Variants in AFAP1L2 observed in about 807,000 individuals in gnomAD.
The protein encoded by AFAP1L2 is actin filament-associated protein 1-like 2.
AFAP1L2 carries 46 observed loss-of-function variants against 99.3 expected under a neutral mutation model. That is an observed-to-expected ratio of 0.46 (90% CI 0.37 to 0.59). AFAP1L2 has a LOEUF of 0.59. Ranked by LOEUF, AFAP1L2 falls within the 20% of genes least tolerant of loss-of-function variation. The pLI, the probability that AFAP1L2 is intolerant of heterozygous loss-of-function variation, is 0.00. For synonymous variants in AFAP1L2, 397 were observed against 419.1 expected (o/e 0.95, Z 0.64); for missense variants, 959 against 1,034.9 (o/e 0.93, Z 1.01).
At chr10:114,357,693 G>A (rs1407901517) in intron 1 of AFAP1L2, among the ~76,000 whole-genome samples, 1 of 152,146 alleles carries the variant, frequency 6.6e-6, no homozygotes, top group African/African-American at 2.4e-5. Flanking sequence ...TGTATTCCTT[G>A]AAATAATAAA....
chr10:114,305,755 C>A (rs1198340149), intron 10 of AFAP1L2, among the ~76,000 whole-genome samples: 1 of 44,190 alleles, frequency 2.3e-5, no homozygotes, highest in Non-Finnish European at 4.2e-5. Flanking sequence ...AGGGGGTGCA[C>A]GTACAGGACT....
intron 1 of AFAP1L2, among the ~76,000 whole-genome samples, chr10:114,390,396 C>G (rs1311871358): frequency 6.6e-6 from 1 of 152,134 alleles, no homozygotes; most frequent in East Asian, 1.9e-4. Context: ...TTGGGAATTG[C>G]TAGATCGTAT....
chr10:114,388,546 T>G (rs1227860722), intron 1 of AFAP1L2, among the ~76,000 whole-genome samples: 1 of 152,164 alleles, frequency 6.6e-6, no homozygotes, highest in Non-Finnish European at 1.5e-5. Flanking sequence ...TGCTTGCATG[T>G]TTGTGGTCTG....
At chr10:114,307,722 G>A in intron 10 of AFAP1L2, 83 bp downstream of exon 10, 1 of 1,168,666 alleles carries the variant, frequency 8.6e-7, no homozygotes, top group African/African-American at 1.5e-5. Context: ...AAAACCCCCT[G>A]CCTTCGCTGT....
At chr10:114,315,412 A>C in intron 6 of AFAP1L2, 148 bp downstream of exon 6, 4 of 764,128 alleles carry the variant, frequency 5.2e-6, no homozygotes, top group Non-Finnish European at 8.5e-6. Flanking sequence ...TCCTGTATAC[A>C]ATTTCAGATT....
chr10:114,404,320 G>C lies in AFAP1L2; in HGVS notation c.16+120C>G, dbSNP rs986940836. The stretch of plus-strand genomic sequence containing the variant: ...CCCCTCTTAGGCCCAGGTCCGGGCT[G>C]GGTGGGGGCAGTGGGCTCTGCTTAT... On this transcript the variant is annotated intron_variant, in intron 1 of 18. Coordinates refer to ENST00000304129, the MANE Select transcript of AFAP1L2 (RefSeq NM_001001936.3). 6 of 1,168,560 alleles carry C rather than the reference G, an allele frequency of 5.1e-6. No individual in the cohort carries two copies. In the Admixed American group the frequency reaches 6.0e-5, roughly 12 times the overall value. The allele number at this position is 1,168,560 out of a possible 1,614,324, so 72.4% of individuals were successfully genotyped here. A position where few individuals can be genotyped will look rare whatever the true frequency, so the allele number is the denominator to read the frequency against.
chr10:114,386,810 C>T (rs1264109461), intron 1 of AFAP1L2, among the ~76,000 whole-genome samples: 5 of 152,268 alleles, frequency 3.3e-5, no homozygotes, highest in Non-Finnish European at 5.9e-5. Flanking sequence ...AACTCATGCT[C>T]AGGCCATGTG....
downstream of AFAP1L2, among the ~76,000 whole-genome samples, chr10:114,292,313 T>C (rs1382636831): frequency 6.6e-6 from 1 of 151,972 alleles, no homozygotes; most frequent in Non-Finnish European, 1.5e-5. Context: ...GGGTTAATTG[T>C]GGCGTGTTTA....
intron 1 of AFAP1L2, among the ~76,000 whole-genome samples, chr10:114,355,180 G>A (rs930703444): frequency 6.6e-6 from 1 of 152,068 alleles, no homozygotes; most frequent in African/African-American, 2.4e-5. Flanking sequence ...CCACAGTGGA[G>A]TATAGCAGGC....
intron 5 of AFAP1L2, among the ~76,000 whole-genome samples, chr10:114,319,871 A>G (rs2135033262): frequency 6.6e-6 from 1 of 152,314 alleles, no homozygotes; most frequent in Admixed American, 6.5e-5. Context: ...ACATCCAGAG[A>G]TGACCATGTG....
In AFAP1L2 at chr10:114,304,870, T is replaced by C. The variant is rs773432204; in HGVS notation, c.1133A>G (p.Asn378Ser). The C allele has an allele frequency of 1.7e-5, 27 of 1,613,262 alleles. No homozygotes were observed. In the South Asian group the frequency reaches 2.2e-4, roughly 13 times the overall value. Residue 378 changes from asparagine to serine, a missense_variant, in exon 11 of 19, where the codon AAT becomes AGT. By Grantham distance (46) the Asn-to-Ser change is conservative (BLOSUM62 1). Coordinates refer to ENST00000304129, the MANE Select transcript of AFAP1L2 (RefSeq NM_001001936.3). Reference protein sequence around the residue: ...WKSRWCSVRDNHLHFYQDRNR... With the variant: ...WKSRWCSVRDSHLHFYQDRNR... ...CCGGTCCTGGTAGAAGTGCAGGTGATTGTCCCTGACAGAGCACCAGCGAGA... is the reference window on the plus strand; with the variant it reads ...CCGGTCCTGGTAGAAGTGCAGGTGACTGTCCCTGACAGAGCACCAGCGAGA...
upstream of AFAP1L2, chr10:114,404,508 C>G: frequency 6.6e-7 from 1 of 1,520,294 alleles, no homozygotes; most frequent in Non-Finnish European, 8.8e-7. Context: ...GCTCTCCCGG[C>G]GCTCGGCTCA....
intron 1 of AFAP1L2, among the ~76,000 whole-genome samples, chr10:114,343,992 C>T (rs995961133): frequency 1.3e-5 from 2 of 152,108 alleles, no homozygotes; most frequent in African/African-American, 2.4e-5. Context: ...ATGAAAGGAG[C>T]GTGATGATGG....
At position 114,297,314 on chromosome 10, in the gene AFAP1L2, A is replaced by G. The variant is rs372644522; in HGVS notation, c.2213T>C (p.Met738Thr). ...SRRVDLELSIMEVKDNLKKAE... is the reference protein window; with the variant it reads ...SRRVDLELSITEVKDNLKKAE... Reference sequence around the variant, plus strand: ...CTTCTTCAGGTTGTCCTTCACCTCCATGATGCTGAGCTCCAGGTCCACGCG... The same window carrying G: ...CTTCTTCAGGTTGTCCTTCACCTCCGTGATGCTGAGCTCCAGGTCCACGCG... The change falls in exon 17 of 19, where the codon ATG becomes ACG. Residue 738 changes from methionine (M) to threonine (T), a missense_variant. By Grantham distance (81) the Met-to-Thr change is moderately conservative. Coordinates refer to ENST00000304129, the MANE Select transcript of AFAP1L2 (RefSeq NM_001001936.3). 1.9e-6 allele frequency: 3 copies of G among 1,613,842 alleles called. No individual in the cohort carries two copies. The African/African-American group carries it at 4.0e-5, about 22-fold the overall frequency.
At chr10:114,313,353 C>T (rs1016780803) in intron 7 of AFAP1L2, among the ~76,000 whole-genome samples, 5 of 152,144 alleles carry the variant, frequency 3.3e-5, no homozygotes, top group Admixed American at 1.3e-4. Flanking sequence ...GAGTGGGCCA[C>T]GTGCATTCGT....
intron 1 of AFAP1L2, among the ~76,000 whole-genome samples, chr10:114,347,767 T>TC (rs1388593831): frequency 6.6e-6 from 1 of 152,154 alleles, no homozygotes; most frequent in African/African-American, 2.4e-5. Flanking sequence ...TGCCTTGGCC[T>TC]CCCAAAGAGT....
At chr10:114,345,206 A>G (rs1590362265) in intron 1 of AFAP1L2, among the ~76,000 whole-genome samples, 2 of 141,042 alleles carry the variant, frequency 1.4e-5, no homozygotes, top group Admixed American at 6.9e-5. Context: ...GTATCGGGGG[A>G]ACATGGAGCA....
rs1282500288 is a variant in AFAP1L2, at chr10:114,313,895, C to T, written c.768G>A (p.Lys256=). The change falls in exon 7 of 19, where the codon AAG becomes AAA. Residue 256 remains lysine, a synonymous_variant. Transcript: ENST00000304129. The part of the protein sequence containing the change: ...ADVIVLGLQS[K]DQAEQWLRVI... ...CCCTGAGCCACTGCTCAGCCTGGTC[C>T]TTGCTCTGCAGGCCCAGCACAATCA... 2.5e-6 allele frequency: 4 copies of T among 1,612,726 alleles called. No individual in the cohort carries two copies. The African/African-American group carries it at 4.0e-5, about 16-fold the overall frequency.
chr10:114,368,767 A>AACACACACAC (rs34854872), intron 1 of AFAP1L2, among the ~76,000 whole-genome samples: 13 of 140,642 alleles, frequency 9.2e-5, no homozygotes, highest in Non-Finnish European at 1.5e-4. Flanking sequence ...GTGTCCTTAC[A>AACACACACAC]ACACACACAC....
Sources: allele counts gnomAD v4.1 joint callset (sites outside exome capture counted in the v4.1 genomes callset), GRCh38; gene constraint gnomAD v4.1.1; transcripts MANE v1.5; gene names NCBI Gene and HGNC (gene_info 2026-07-23, HGNC 2026-07-21).